The following KCTD16 variants were observed in gnomAD, a reference collection of about 807,000 sequenced individuals.
The protein encoded by KCTD16 is BTB/POZ domain-containing protein KCTD16.
Under a neutral mutation model 33.2 loss-of-function variants are expected in KCTD16, and 13 were observed. That is an observed-to-expected ratio of 0.39 (90% CI 0.25 to 0.62). The LOEUF is 0.62. Ranked by LOEUF, KCTD16 falls within the 20% of genes least tolerant of loss-of-function variation. KCTD16 has a pLI of 0.50. For synonymous variants in KCTD16, 197 were observed against 195.3 expected (o/e 1.01, Z -0.07); for missense variants, 441 against 525.1 (o/e 0.84, Z 1.57).
intron 3 of KCTD16, among the ~76,000 whole-genome samples, chr5:144,419,833 A>T (rs2063969038): frequency 6.6e-6 from 1 of 152,134 alleles, no homozygotes; most frequent in South Asian, 2.1e-4. Context: ...GTGGCTAATG[A>T]CTACCCTGTT....
intron 3 of KCTD16, among the ~76,000 whole-genome samples, chr5:144,374,830 T>G (rs1212388764): frequency 2.6e-5 from 4 of 152,332 alleles, no homozygotes; most frequent in Middle Eastern, 3.4e-3. Flanking sequence ...ATCTTTTCTC[T>G]GCTGTGTTTT....
At chr5:144,266,785 T>G (rs1755156954) in intron 3 of KCTD16, among the ~76,000 whole-genome samples, 1 of 152,078 alleles carries the variant, frequency 6.6e-6, no homozygotes, top group Non-Finnish European at 1.5e-5. Context: ...GATTTCTATT[T>G]TTTTTTTATA....
chr5:144,231,853 C>T (rs774987217), intron 3 of KCTD16, among the ~76,000 whole-genome samples: 5 of 152,154 alleles, frequency 3.3e-5, no homozygotes, highest in Non-Finnish European at 7.4e-5. Flanking sequence ...GTCAATTAAA[C>T]CTTTTTCCTT....
At chr5:144,203,690 C>G (rs924889213) in intron 2 of KCTD16, among the ~76,000 whole-genome samples, 1 of 152,214 alleles carries the variant, frequency 6.6e-6, no homozygotes, top group African/African-American at 2.4e-5. Context: ...TTTTGACCTA[C>G]TCTCTTAGAA....
intron 2 of KCTD16, among the ~76,000 whole-genome samples, chr5:144,191,208 C>G (rs777679189): frequency 4.6e-5 from 7 of 152,298 alleles, no homozygotes; most frequent in Non-Finnish European, 7.3e-5. Context: ...GAAGTCCTCC[C>G]TGATAAGTGA....
At chr5:144,359,138 C>G (rs1220375109) in intron 3 of KCTD16, among the ~76,000 whole-genome samples, 9 of 152,198 alleles carry the variant, frequency 5.9e-5, no homozygotes, top group African/African-American at 2.2e-4. Flanking sequence ...TACATACTTA[C>G]TGCATCGGAA....
At chr5:144,188,005 T>G (rs1752763612) in intron 2 of KCTD16, among the ~76,000 whole-genome samples, 1 of 152,220 alleles carries the variant, frequency 6.6e-6, no homozygotes, top group African/African-American at 2.4e-5. Flanking sequence ...TGAGCCTAGC[T>G]TAGACATAGT....
chr5:144,268,738 C>T (rs1755215750), intron 3 of KCTD16, among the ~76,000 whole-genome samples: 1 of 152,004 alleles, frequency 6.6e-6, no homozygotes, highest in Admixed American at 6.6e-5. Context: ...AAAAATTAAA[C>T]AACAGAAACT....
intron 2 of KCTD16, chr5:144,205,824 A>C (rs1291162914): frequency 2.2e-5 from 8 of 364,954 alleles, no homozygotes; most frequent in Non-Finnish European, 3.4e-5. Context: ...ATGTACCTAC[A>C]TACATACATA....
intron 3 of KCTD16, among the ~76,000 whole-genome samples, chr5:144,355,171 G>A (rs983811085): frequency 2.6e-5 from 4 of 152,066 alleles, no homozygotes; most frequent in African/African-American, 9.7e-5. Context: ...TTGCCCTCCA[G>A]TCATTATACA....
chr5:144,391,114 C>T (rs184170256), intron 3 of KCTD16, among the ~76,000 whole-genome samples: 12 of 152,264 alleles, frequency 7.9e-5, no homozygotes, highest in Admixed American at 2.6e-4. Context: ...CTTCCTGACT[C>T]CATTCCCAGC....
intron 3 of KCTD16, among the ~76,000 whole-genome samples, chr5:144,217,364 G>C (rs2126799883): frequency 6.6e-6 from 1 of 152,196 alleles, no homozygotes; most frequent in Admixed American, 6.5e-5. Flanking sequence ...AGGGATATCT[G>C]TGTGGAGTTG....
chr5:144,404,410 G>A (rs13436050), intron 3 of KCTD16, among the ~76,000 whole-genome samples: 2,627 of 151,972 alleles, frequency 0.017, 73 homozygotes, highest in African/African-American at 0.055. Flanking sequence ...ACTAGCCTTC[G>A]TATTCAATGA....
At chr5:144,330,776 C>G (rs1407345147) in intron 3 of KCTD16, among the ~76,000 whole-genome samples, 1 of 152,188 alleles carries the variant, frequency 6.6e-6, no homozygotes, top group Non-Finnish European at 1.5e-5. Flanking sequence ...CCAAGGTAGG[C>G]TGTTAAATGG....
chr5:144,248,386 G>T (rs145165496), intron 3 of KCTD16, among the ~76,000 whole-genome samples: 88 of 152,316 alleles, frequency 5.8e-4, no homozygotes, highest in Non-Finnish European at 4.4e-5. Context: ...ACACCAAGAA[G>T]GCCGGTGTGG....
chr5:144,304,394 C>T (rs1246433947), intron 3 of KCTD16, among the ~76,000 whole-genome samples: 1 of 151,906 alleles, frequency 6.6e-6, no homozygotes, highest in Non-Finnish European at 1.5e-5. Flanking sequence ...GGTCAGTGGC[C>T]CTTAAAAGGG....
At chr5:144,439,432 T>C (rs372589732) in intron 3 of KCTD16, 3 of 359,198 alleles carry the variant, frequency 8.4e-6, no homozygotes, top group Admixed American at 7.2e-5. Context: ...GAGCCTCACA[T>C]CTTACTATTC....
intron 3 of KCTD16, among the ~76,000 whole-genome samples, chr5:144,375,446 G>A (rs1290763646): frequency 6.6e-6 from 1 of 152,112 alleles, no homozygotes; most frequent in Non-Finnish European, 1.5e-5. Flanking sequence ...AAAAAGTCAT[G>A]TCCCTGAAAG....
At chr5:144,299,067 TA>T (rs1252793279) in intron 3 of KCTD16, among the ~76,000 whole-genome samples, 4 of 83,684 alleles carry the variant, frequency 4.8e-5, no homozygotes, top group South Asian at 3.1e-4. Flanking sequence ...TATATATATA[TA>T]TATATTTTTG....
Sources: allele counts gnomAD v4.1 joint callset (sites outside exome capture counted in the v4.1 genomes callset), GRCh38; gene constraint gnomAD v4.1.1; transcripts MANE v1.5; gene names NCBI Gene and HGNC (gene_info 2026-07-23, HGNC 2026-07-21).